SMAP1: variants seen among roughly 807,000 people sequenced by gnomAD.
SMAP1 encodes stromal membrane-associated protein 1.
A neutral mutation model predicts 58.5 loss-of-function variants in SMAP1; 24 were observed. That is an observed-to-expected ratio of 0.41 (90% CI 0.30 to 0.58). SMAP1 has a LOEUF of 0.58. Ranked by LOEUF, SMAP1 falls within the 20% of genes least tolerant of loss-of-function variation. SMAP1 has a pLI of 0.29. For missense variants in SMAP1, 563 were observed against 566.3 expected (o/e 0.99, Z 0.06); for synonymous variants, 216 against 196.6 (o/e 1.10, Z -0.82).
At chr6:70,839,869 A>G (rs1029471338) in intron 7 of SMAP1, among the ~76,000 whole-genome samples, 2 of 152,212 alleles carry the variant, frequency 1.3e-5, no homozygotes, top group Non-Finnish European at 2.9e-5. Context: ...TGAATTCATG[A>G]AAGTCCAGGA....
intron 6 of SMAP1, among the ~76,000 whole-genome samples, chr6:70,835,104 T>C (rs78669825): frequency 1.4e-5 from 2 of 146,468 alleles, no homozygotes; most frequent in Non-Finnish European, 3.0e-5. Context: ...AAAAAAAAAT[T>C]AGCCGGGTGT....
chr6:70,745,749 A>G (rs1400789426), intron 2 of SMAP1, among the ~76,000 whole-genome samples: 1 of 152,176 alleles, frequency 6.6e-6, no homozygotes, highest in African/African-American at 2.4e-5. Flanking sequence ...CACTGAATCT[A>G]TAAATTACCT....
intron 6 of SMAP1, 54 bp downstream of exon 6, chr6:70,798,791 C>A: frequency 1.5e-6 from 2 of 1,295,470 alleles, no homozygotes; most frequent in South Asian, 1.5e-5. Context: ...TATTTGTATA[C>A]TTATATATTA....
At chr6:70,764,494 T>G (rs1056486163) in intron 3 of SMAP1, among the ~76,000 whole-genome samples, 4 of 152,200 alleles carry the variant, frequency 2.6e-5, no homozygotes, top group African/African-American at 9.7e-5. Flanking sequence ...AATGTTTATT[T>G]ACTATTTTGA....
Position 70,799,224 on chromosome 6 carries a change from A to G in SMAP1, c.576+487A>G, listed in dbSNP as rs184381929. 2.0e-3 allele frequency among the ~76,000 whole-genome samples: 306 copies of G among 152,302 alleles called. 1 individual carries two copies. Among genetic ancestry groups the G allele is most frequent in the African/African-American group, 7.0e-3 (292 of 41,582 alleles). On this transcript the variant is annotated intron_variant, in intron 6 of 10. Transcript: ENST00000370455. The stretch of plus-strand genomic sequence containing the variant: ...ATGTTTAGAAAAATAGTGAATTTGA[A>G]GAAAGGGATTTGTCTATGTATAGAA...
At chr6:70,711,309 C>T (rs1408683345) in intron 1 of SMAP1, among the ~76,000 whole-genome samples, 1 of 152,080 alleles carries the variant, frequency 6.6e-6, no homozygotes, top group African/African-American at 2.4e-5. Context: ...TGTCTCTAGG[C>T]AATAGGAATT....
At chr6:70,675,562 A>C (rs940052198) in intron 1 of SMAP1, among the ~76,000 whole-genome samples, 2 of 151,958 alleles carry the variant, frequency 1.3e-5, no homozygotes, top group African/African-American at 4.8e-5. Flanking sequence ...GAGACAGGAG[A>C]ATCACTTGAA....
chr6:70,723,343 A>G (rs184890693), intron 1 of SMAP1, among the ~76,000 whole-genome samples: 39 of 152,282 alleles, frequency 2.6e-4, no homozygotes, highest in African/African-American at 9.1e-4. Flanking sequence ...GAATCCCTCA[A>G]TGTATACCTT....
At chr6:70,668,501 G>A in intron 1 of SMAP1, 1 of 1,477,250 alleles carries the variant, frequency 6.8e-7, no homozygotes, top group Non-Finnish European at 8.9e-7. Flanking sequence ...TAGGGTTAGA[G>A]AGTTGCCCTC....
At chr6:70,820,576 G>T (rs2149980944) in intron 6 of SMAP1, among the ~76,000 whole-genome samples, 1 of 152,150 alleles carries the variant, frequency 6.6e-6, no homozygotes, top group South Asian at 2.1e-4. Flanking sequence ...TGTGGTAGCA[G>T]GTGCCTGTAA....
intron 6 of SMAP1, among the ~76,000 whole-genome samples, chr6:70,817,493 G>A (rs919810824): frequency 8.6e-5 from 13 of 152,028 alleles, no homozygotes; most frequent in Non-Finnish European, 1.6e-4. Context: ...CAGAAAACTG[G>A]GACTTTTTCT....
chr6:70,744,019 A>T (rs1765917773), intron 2 of SMAP1, among the ~76,000 whole-genome samples: 1 of 152,200 alleles, frequency 6.6e-6, no homozygotes, highest in Admixed American at 6.5e-5. Context: ...TTTTAAGGTT[A>T]AACTTTAAAT....
At chr6:70,785,436 A>G (rs1422602101) in intron 4 of SMAP1, among the ~76,000 whole-genome samples, 1 of 152,234 alleles carries the variant, frequency 6.6e-6, no homozygotes, top group Non-Finnish European at 1.5e-5. Flanking sequence ...AGCAGAGGCA[A>G]GAAATAACTA....
intron 3 of SMAP1, among the ~76,000 whole-genome samples, chr6:70,768,313 T>G (rs1767096748): frequency 6.6e-6 from 1 of 152,234 alleles, no homozygotes; most frequent in Non-Finnish European, 1.5e-5. Context: ...TGGAATAGTT[T>G]CAGAAGGAAT....
chr6:70,702,465 T>C (rs1386587407), intron 1 of SMAP1, among the ~76,000 whole-genome samples: 1 of 152,142 alleles, frequency 6.6e-6, no homozygotes, highest in African/African-American at 2.4e-5. Flanking sequence ...TAGCAGTTTT[T>C]TCTTCTTGAT....
At chr6:70,751,720 T>G (rs890178522) in intron 2 of SMAP1, among the ~76,000 whole-genome samples, 2 of 152,206 alleles carry the variant, frequency 1.3e-5, no homozygotes, top group Non-Finnish European at 2.9e-5. Flanking sequence ...AAAGCAAGTT[T>G]AGAAAATTTA....
At chr6:70,692,229 GTCT>G (rs779425168) in intron 1 of SMAP1, among the ~76,000 whole-genome samples, 1 of 152,282 alleles carries the variant, frequency 6.6e-6, no homozygotes, top group African/African-American at 2.4e-5. Context: ...CCATTTGTAT[GTCT>G]TCTTTGGAGA....
intron 1 of SMAP1, among the ~76,000 whole-genome samples, chr6:70,709,437 A>G (rs1767966424): frequency 6.6e-6 from 1 of 152,010 alleles, no homozygotes; most frequent in African/African-American, 2.4e-5. Context: ...TTCCTTGCTC[A>G]AGTGATCCTC....
intron 1 of SMAP1, among the ~76,000 whole-genome samples, chr6:70,675,179 T>A (rs1370374210): frequency 7.0e-6 from 1 of 143,636 alleles, no homozygotes; most frequent in African/African-American, 2.6e-5. Flanking sequence ...ATTACATATA[T>A]ACTCACAAAT....
Sources: gnomAD v4.1 joint callset for allele counts (sites outside exome capture counted in the v4.1 genomes callset) on GRCh38, gnomAD v4.1.1 for gene constraint, MANE v1.5 for transcripts, NCBI Gene and HGNC (gene_info 2026-07-23, HGNC 2026-07-21) for gene names.